Variants in MACROD2 observed in about 807,000 individuals in gnomAD.
The protein encoded by MACROD2 is mono-ADP ribosylhydrolase 2, also known as ADP-ribose glycohydrolase MACROD2.
MACROD2 carries 36 observed loss-of-function variants against 70.4 expected under a neutral mutation model. The ratio of observed to expected loss-of-function variants is 0.51; its 90% CI spans 0.39 to 0.68. The LOEUF (loss-of-function observed/expected upper bound fraction) is 0.68. Ranked by LOEUF, MACROD2 falls within the 30% of genes least tolerant of loss-of-function variation. MACROD2 has a pLI of 0.00. For synonymous variants in MACROD2, 172 were observed against 178.8 expected (o/e 0.96, Z 0.30); for missense variants, 496 against 538.4 (o/e 0.92, Z 0.78).
chr20:14,379,177 A>G (rs1279125682), intron 3 of MACROD2, among the ~76,000 whole-genome samples: 5 of 152,226 alleles, frequency 3.3e-5, no homozygotes, highest in Admixed American at 3.3e-4. Flanking sequence ...AAACAAAATG[A>G]TAGGTTAAAT....
At chr20:15,666,431 T>C (rs915316366) in intron 8 of MACROD2, among the ~76,000 whole-genome samples, 1 of 152,242 alleles carries the variant, frequency 6.6e-6, no homozygotes, top group Non-Finnish European at 1.5e-5. Context: ...ATTGTCAGGA[T>C]ACTTTTCTAA....
At chr20:15,572,412 A>T (rs1421707533) in intron 8 of MACROD2, among the ~76,000 whole-genome samples, 1 of 152,084 alleles carries the variant, frequency 6.6e-6, no homozygotes. Flanking sequence ...CATTTCTCAT[A>T]TGTAATTTCC....
At chr20:15,550,281 A>G (rs2048078314) in intron 8 of MACROD2, among the ~76,000 whole-genome samples, 1 of 149,180 alleles carries the variant, frequency 6.7e-6, no homozygotes, top group South Asian at 2.1e-4. Flanking sequence ...AAAATAAGAA[A>G]TATTTAAATA....
chr20:14,491,125 C>T (rs1013709082), intron 3 of MACROD2, among the ~76,000 whole-genome samples: 2 of 152,152 alleles, frequency 1.3e-5, no homozygotes, highest in East Asian at 3.8e-4. Flanking sequence ...AGCTACCTGA[C>T]TAATGAATGT....
chr20:14,202,598 A>G (rs1052118355), intron 3 of MACROD2, among the ~76,000 whole-genome samples: 2 of 152,208 alleles, frequency 1.3e-5, no homozygotes, highest in Admixed American at 6.5e-5. Context: ...ACTACTTAGA[A>G]GGGAGGCAGA....
chr20:15,702,723 G>C (rs1213565535), intron 8 of MACROD2, among the ~76,000 whole-genome samples: 1 of 152,072 alleles, frequency 6.6e-6, no homozygotes, highest in Admixed American at 6.5e-5. Flanking sequence ...TGGGGACTTA[G>C]CCATAAATTC....
At chr20:15,554,898 C>A (rs1280522026) in intron 8 of MACROD2, among the ~76,000 whole-genome samples, 6 of 152,216 alleles carry the variant, frequency 3.9e-5, no homozygotes, top group African/African-American at 1.4e-4. Flanking sequence ...ATCTTCTGAA[C>A]CCTGTGCTAT....
intron 8 of MACROD2, among the ~76,000 whole-genome samples, chr20:15,525,992 G>T (rs2047716298): frequency 6.6e-6 from 1 of 152,122 alleles, no homozygotes; most frequent in Non-Finnish European, 1.5e-5. Flanking sequence ...AAAATAAAAA[G>T]ATGTTTTATT....
At chr20:15,115,843 A>G (rs2075987883) in intron 5 of MACROD2, among the ~76,000 whole-genome samples, 1 of 152,170 alleles carries the variant, frequency 6.6e-6, no homozygotes, top group South Asian at 2.1e-4. Context: ...TCCCAGCAGT[A>G]AATTTTCTAG....
Position 15,671,654 on chromosome 20 carries a change from G to A in MACROD2, c.645+171807G>A, listed in dbSNP as rs144849690. Among the ~76,000 whole-genome samples, 9 of 152,270 alleles carry A rather than the reference G, an allele frequency of 5.9e-5. No individual in the cohort carries two copies. In the East Asian group the frequency reaches 1.7e-3, roughly 29 times the overall value. ...AAGAAATATCACTTGTCCACCAAGT[G>A]ACATCTAGAGACTCTTCATCAATAA... is the stretch of plus-strand genomic sequence containing the variant. On this transcript the variant is annotated intron_variant, in intron 8 of 17. Transcript: ENST00000684519.
chr20:15,928,828 A>T (rs947741577), intron 10 of MACROD2, among the ~76,000 whole-genome samples: 1 of 152,218 alleles, frequency 6.6e-6, no homozygotes, highest in Non-Finnish European at 1.5e-5. Context: ...TTCCTCTGTT[A>T]TATCAGCTAA....
chr20:14,903,775 C>T (rs1441322257), intron 5 of MACROD2, among the ~76,000 whole-genome samples: 1 of 152,096 alleles, frequency 6.6e-6, no homozygotes, highest in Non-Finnish European at 1.5e-5. Context: ...AGATCTGCTG[C>T]ATGTGGTCAT....
intron 4 of MACROD2, among the ~76,000 whole-genome samples, chr20:14,494,508 A>G (rs1331406562): frequency 2.0e-5 from 3 of 152,136 alleles, no homozygotes; most frequent in Non-Finnish European, 4.4e-5. Context: ...ATGTCAGTGC[A>G]TGTTCTGTAC....
At position 14,363,986 on chromosome 20, in the gene MACROD2, GC is replaced by G. The variant is rs376220821; in HGVS notation, c.272-129491del. On this transcript the variant is annotated intron_variant, in intron 3 of 17. Coordinates refer to ENST00000684519, the MANE Select transcript of MACROD2 (RefSeq NM_001351661.2). ...CACTTTTCAAAACATAGATGCCTTG[GC>G]CACACCCTGTACTAATTACCATAAA... is the stretch of plus-strand genomic sequence containing the variant. Among the ~76,000 whole-genome samples the G allele has an allele frequency of 1.7e-3, 260 of 152,138 alleles. 1 individual carries two copies. The highest frequency in any genetic ancestry group is 6.1e-3 in the African/African-American group (254 of 41,470).
intron 6 of MACROD2, among the ~76,000 whole-genome samples, chr20:15,426,361 T>A (rs2046298054): frequency 6.6e-6 from 1 of 152,294 alleles, no homozygotes; most frequent in South Asian, 2.1e-4. Flanking sequence ...TTTTATTTTT[T>A]AAGACACGGT....
At chr20:14,256,735 G>T (rs533223344) in intron 3 of MACROD2, among the ~76,000 whole-genome samples, 16 of 151,862 alleles carry the variant, frequency 1.1e-4, no homozygotes, top group Non-Finnish European at 2.4e-4. Flanking sequence ...TTTTTATCCC[G>T]TTTAAGCCCC....
chr20:15,519,668 G>A (rs186557229), intron 8 of MACROD2, among the ~76,000 whole-genome samples: 2 of 152,328 alleles, frequency 1.3e-5, no homozygotes, highest in East Asian at 3.9e-4. Context: ...AAATAAAAGA[G>A]ATGGAGTCTT....
intron 3 of MACROD2, among the ~76,000 whole-genome samples, chr20:14,377,761 C>CT (rs936200838): frequency 7.9e-5 from 12 of 152,270 alleles, no homozygotes; most frequent in African/African-American, 2.6e-4. Flanking sequence ...TACTTACAGA[C>CT]TTTTTTTGCA....
At chr20:15,485,819 A>G (rs2047156377) in intron 7 of MACROD2, among the ~76,000 whole-genome samples, 1 of 152,156 alleles carries the variant, frequency 6.6e-6, no homozygotes, top group Admixed American at 6.6e-5. Context: ...CATTTTCAGG[A>G]GCAGTAACTT....
Sources: allele counts gnomAD v4.1 joint callset (sites outside exome capture counted in the v4.1 genomes callset), GRCh38; gene constraint gnomAD v4.1.1; transcripts MANE v1.5; gene names NCBI Gene and HGNC (gene_info 2026-07-23, HGNC 2026-07-21).